The following FOXP1 variants were observed in gnomAD, a reference collection of about 807,000 sequenced individuals.
FOXP1 encodes forkhead box protein P1.
Under a neutral mutation model 98.2 loss-of-function variants are expected in FOXP1, and 15 were observed. The observed-to-expected ratio is 0.15, with a 90% confidence interval of 0.10 to 0.24. The LOEUF is 0.24. Ranked by LOEUF, FOXP1 falls within the 10% of genes least tolerant of loss-of-function variation. The pLI is 1.00. For missense variants in FOXP1, 633 were observed against 848.5 expected, an observed-to-expected ratio of 0.75 and a Z score of 3.15; for synonymous variants, 371 against 314.5, an observed-to-expected ratio of 1.18 and a Z score of -1.90.
intron 6 of FOXP1, among the ~76,000 whole-genome samples, chr3:71,165,636 T>C (rs966775872): frequency 1.3e-5 from 2 of 152,164 alleles, no homozygotes; most frequent in Non-Finnish European, 2.9e-5. Flanking sequence ...TTGCCTTAAA[T>C]TTGCCATGTG....
intron 3 of FOXP1, among the ~76,000 whole-genome samples, chr3:71,429,275 C>T (rs1431218164): frequency 6.6e-6 from 1 of 152,136 alleles, no homozygotes; most frequent in East Asian, 1.9e-4. Flanking sequence ...TGTCTGTCTT[C>T]ACCCTTTTTG....
At chr3:71,302,940 A>C (rs12374070) in intron 4 of FOXP1, 48,211 of 152,054 alleles carry the variant, frequency 0.32, 9,026 homozygotes, top group Middle Eastern at 0.44. Context: ...TATTCTAAAG[A>C]ACCCTCAGAT....
intron 19 of FOXP1, 122 bp downstream of exon 19, chr3:70,970,614 T>G (rs1250898208): frequency 6.8e-6 from 6 of 879,752 alleles, no homozygotes; most frequent in Non-Finnish European, 1.2e-5. Flanking sequence ...CTTTGTGCAC[T>G]TAAGAAAAAA....
At chr3:71,302,542 A>T (rs1187882878) in intron 4 of FOXP1, among the ~76,000 whole-genome samples, 1 of 151,612 alleles carries the variant, frequency 6.6e-6, no homozygotes, top group East Asian at 1.9e-4. Flanking sequence ...GATAAAGATA[A>T]AAGAAATACA....
chr3:71,529,794 G>A (rs2043686073), intron 2 of FOXP1, among the ~76,000 whole-genome samples: 1 of 152,132 alleles, frequency 6.6e-6, no homozygotes, highest in Non-Finnish European at 1.5e-5. Flanking sequence ...ACCTTGTCCT[G>A]CGACTGTCTT....
intron 2 of FOXP1, among the ~76,000 whole-genome samples, chr3:71,541,655 C>T (rs1001088403): frequency 1.3e-5 from 2 of 151,762 alleles, no homozygotes; most frequent in East Asian, 1.9e-4. Flanking sequence ...TGCTGGAATG[C>T]GTATTTCACC....
intron 8 of FOXP1, among the ~76,000 whole-genome samples, chr3:71,052,944 T>C (rs915827915): frequency 1.3e-5 from 2 of 152,204 alleles, no homozygotes; most frequent in Admixed American, 6.5e-5. Context: ...GAATCTCTTC[T>C]GCATGCTTTC....
intron 3 of FOXP1, among the ~76,000 whole-genome samples, chr3:71,416,026 A>C (rs531571176): frequency 2.0e-5 from 3 of 152,242 alleles, no homozygotes; most frequent in Non-Finnish European, 4.4e-5. Flanking sequence ...CATTTGCTGA[A>C]GAAATATTTA....
chr3:71,035,459 G>A (rs1371753566), intron 11 of FOXP1, among the ~76,000 whole-genome samples: 3 of 152,170 alleles, frequency 2.0e-5, no homozygotes, highest in Non-Finnish European at 2.9e-5. Flanking sequence ...TGCCATTGTA[G>A]TGTCAAAGTA....
Position 71,266,543 on chromosome 3 carries a change from C to T in FOXP1, c.-12+33277G>A, listed in dbSNP as rs767510701. On this transcript the variant is annotated intron_variant, in intron 5 of 20. Transcript: ENST00000649528. Reference sequence around the variant, plus strand: ...CTGAGATTACAGGCATGAGCCACTGCGCCTGGCCCCCAACTTTTGCTTATT... The same window carrying T: ...CTGAGATTACAGGCATGAGCCACTGTGCCTGGCCCCCAACTTTTGCTTATT... 7.2e-5 allele frequency among the ~76,000 whole-genome samples: 11 copies of T among 152,242 alleles called. No individual in the cohort carries two copies. The East Asian group carries it at 7.7e-4, about 11-fold the overall frequency.
chr3:71,440,406 G>A (rs999535379), intron 3 of FOXP1, among the ~76,000 whole-genome samples: 7 of 151,908 alleles, frequency 4.6e-5, no homozygotes, highest in South Asian at 4.2e-4. Context: ...TGCCGGGCGC[G>A]GTGGCTCACG....
At chr3:71,209,162 C>A (rs1364579487) in intron 5 of FOXP1, among the ~76,000 whole-genome samples, 1 of 152,124 alleles carries the variant, frequency 6.6e-6, no homozygotes, top group African/African-American at 2.4e-5. Flanking sequence ...CAAAATAAGA[C>A]CAAGAGACCT....
chr3:71,053,768 G>T lies in FOXP1; in HGVS notation c.288C>A (p.Pro96=). Residue 96 remains proline, a synonymous_variant, in exon 8 of 21, where the codon CCC becomes CCA. Coordinates refer to ENST00000649528, the MANE Select transcript of FOXP1 (RefSeq NM_001349338.3). The part of the protein sequence containing the change: ...RNDKQPALQV[P]VSVAMMTPQV... ...GAGGTGTCATCATAGCCACTGACACGGGAACCTAGAATGTTAATGAAGGAT... is the reference window on the plus strand; with the variant it reads ...GAGGTGTCATCATAGCCACTGACACTGGAACCTAGAATGTTAATGAAGGAT... The T allele has an allele frequency of 6.2e-7, 1 of 1,613,946 alleles. No homozygotes were observed. The highest frequency in any genetic ancestry group is 1.1e-5 in the South Asian group (1 of 91,064).
At chr3:71,073,387 T>A (rs895534707) in intron 7 of FOXP1, among the ~76,000 whole-genome samples, 3 of 152,172 alleles carry the variant, frequency 2.0e-5, no homozygotes, top group Non-Finnish European at 4.4e-5. Flanking sequence ...GGGCTTATAT[T>A]TTAACAGCAG....
chr3:71,458,931 T>C (rs2087757140), intron 3 of FOXP1, among the ~76,000 whole-genome samples: 1 of 152,242 alleles, frequency 6.6e-6, no homozygotes, highest in African/African-American at 2.4e-5. Flanking sequence ...TTGATTTTAC[T>C]GTAGGAACAT....
At chr3:71,470,667 G>A (rs1438842125) in intron 3 of FOXP1, among the ~76,000 whole-genome samples, 1 of 152,136 alleles carries the variant, frequency 6.6e-6, no homozygotes, top group Non-Finnish European at 1.5e-5. Flanking sequence ...TGAACCCGGA[G>A]GCAGAGGTTG....
chr3:71,281,942 C>CA (rs34561352), intron 5 of FOXP1, among the ~76,000 whole-genome samples: 48,543 of 137,636 alleles, frequency 0.35, 9,800 homozygotes, highest in East Asian at 0.61. Context: ...ACTAAAAATA[C>CA]AAAAAAAAAA....
chr3:71,462,577 C>T (rs1441204133), intron 3 of FOXP1, among the ~76,000 whole-genome samples: 2 of 152,076 alleles, frequency 1.3e-5, no homozygotes, highest in African/African-American at 2.4e-5. Flanking sequence ...AGAACCCATT[C>T]GTGTAAAGCT....
At chr3:71,301,055 A>G (rs945232641) in intron 4 of FOXP1, among the ~76,000 whole-genome samples, 1 of 152,182 alleles carries the variant, frequency 6.6e-6, no homozygotes, top group Non-Finnish European at 1.5e-5. Flanking sequence ...TCTTGCCATT[A>G]AGATTGGAAA....
Sources: allele counts gnomAD v4.1 joint callset (sites outside exome capture counted in the v4.1 genomes callset), GRCh38; gene constraint gnomAD v4.1.1; transcripts MANE v1.5; gene names NCBI Gene and HGNC (gene_info 2026-07-23, HGNC 2026-07-21).